PFDN5: variants seen among roughly 807,000 people sequenced by gnomAD.
The protein encoded by PFDN5 is c-myc binding protein.
PFDN5 carries 13 observed loss-of-function variants against 21.5 expected under a neutral mutation model. The ratio of observed to expected loss-of-function variants is 0.60; its 90% confidence interval spans 0.39 to 0.96. The LOEUF is 0.96. PFDN5 is among the 40% of genes least tolerant of loss of function. The probability of loss-of-function intolerance (pLI) is 0.00; values close to 1 mark genes in which losing one functional copy is unlikely to be tolerated. For synonymous variants in PFDN5, 84 were observed against 68.9 expected (o/e 1.22, Z -1.08); for missense variants, 188 against 186.2 (o/e 1.01, Z -0.06).
intron 5 of PFDN5, 151 bp from the exon 6 acceptor site, chr12:53,299,118 A>G (rs1431088126): frequency 6.3e-6 from 3 of 474,564 alleles, no homozygotes; most frequent in Non-Finnish European, 1.2e-5. Flanking sequence ...CCTCGGTGAC[A>G]AGAGCAGGAT....
rs1379093483 is a variant in PFDN5 at position 53,297,909 on chromosome 12, G to A, written c.267G>A (p.Gly89=). The A allele has an allele frequency of 6.2e-6, 10 of 1,612,628 alleles. No homozygotes were observed. The highest frequency in any genetic ancestry group is 8.5e-6 in the Non-Finnish European group (10 of 1,178,878). Residue 89 remains glycine (G), a synonymous_variant, in exon 4 of 6, where the codon GGG becomes GGA. Coordinates refer to ENST00000334478, the MANE Select transcript of PFDN5 (RefSeq NM_002624.4). ...ACGTGCTCATCGATGTGGGAACTGG[G>A]TACTATGTAGAGAAGGTGAGTGAGA... ...VEHVLIDVGT[G]YYVEKTAEDA...
chr12:53,296,051 A>G (rs774052639), intron 2 of PFDN5, 110 bp downstream of exon 2: 2 of 783,256 alleles, frequency 2.6e-6, no homozygotes, highest in Non-Finnish European at 4.4e-6. Flanking sequence ...TACATATCGT[A>G]TACCGCTTCA....
rs1944200624 is a variant in PFDN5 at position 53,299,390 on chromosome 12, C to T, written c.*45C>T. ...GCAGAGGGACACCCTTTGGGCGTGG[C>T]TTCCTGGTGATGGGAAGGGTCTTGT... On this transcript the variant is annotated 3_prime_UTR_variant, in exon 6 of 6. Transcript: ENST00000334478. 3 of 1,252,028 alleles carry T rather than the reference C, an allele frequency of 2.4e-6. No homozygotes were observed. In the South Asian group the frequency reaches 3.7e-5, roughly 15 times the overall value. The allele number at this position is 1,252,028 out of a possible 1,614,324, so 77.6% of individuals were successfully genotyped here.
chr12:53,297,809 T>C, intron 3 of PFDN5, 41 bp from the exon 4 acceptor site: 3 of 1,482,450 alleles, frequency 2.0e-6, no homozygotes, highest in Non-Finnish European at 1.9e-6. Context: ...TCATGGCTCA[T>C]GCTGGGCTGG....
rs891464779 is a variant in PFDN5 at position 53,298,188 on chromosome 12, A to G, written c.388+38A>G. The G allele has an allele frequency of 4.1e-6, 5 of 1,225,184 alleles. No homozygotes were observed. In the Admixed American group the frequency reaches 8.4e-5, roughly 21 times the overall value. The allele number at this position is 1,225,184 out of a possible 1,614,324, so 75.9% of individuals were successfully genotyped here. A position where few individuals can be genotyped will look rare whatever the true frequency, so the allele number is the denominator to read the frequency against. ...TGGGGCACCTCTTGACCCTATCTCCATAATAAGGAACATGGATTGCAGTGT... is the reference window on the plus strand; with the variant it reads ...TGGGGCACCTCTTGACCCTATCTCCGTAATAAGGAACATGGATTGCAGTGT... On this transcript the variant is annotated intron_variant, in intron 5 of 5. Transcript: ENST00000334478.
chr12:53,296,306 G>T, intron 3 of PFDN5, 31 bp downstream of exon 3: 1 of 1,577,512 alleles, frequency 6.3e-7, no homozygotes, highest in Non-Finnish European at 8.7e-7. Flanking sequence ...GCTACCTGCT[G>T]CCTTCTCCCT....
At position 53,295,556 on chromosome 12, in the gene PFDN5, G is replaced by A. The variant is rs767918925; in HGVS notation, c.-12G>A. The A allele has an allele frequency of 2.5e-6, 4 of 1,610,684 alleles. No individual in the cohort carries two copies. The highest frequency in any genetic ancestry group is 2.2e-5 in the East Asian group (1 of 44,812). On this transcript the variant is annotated 5_prime_UTR_variant, in exon 1 of 6. Coordinates refer to ENST00000334478, the MANE Select transcript of PFDN5 (RefSeq NM_002624.4). ...CGAGAGACTTCCTCTTCGTTAAGTC[G>A]GCCTTCCCAACATGGCGCAGTCTAT...
At chr12:53,297,948 C>A (rs1944175069) in intron 4 of PFDN5, 24 bp downstream of exon 4, 3 of 1,596,570 alleles carry the variant, frequency 1.9e-6, no homozygotes, top group Non-Finnish European at 2.6e-6. Flanking sequence ...TGTGGATGCC[C>A]CTCTAAACAG....
rs1726046228 is a variant in PFDN5 at position 53,299,425 on chromosome 12, C to G, written c.*80C>G. The G allele has an allele frequency of 1.1e-6, 1 of 900,854 alleles. No individual in the cohort carries two copies. Among genetic ancestry groups the G allele is most frequent in the Non-Finnish European group, 1.8e-6 (1 of 559,970 alleles). The allele number at this position is 900,854 out of a possible 1,614,324, so 55.8% of individuals were successfully genotyped here. Reference sequence around the variant, plus strand: ...ATGGGAAGGGTCTTGTGTTTTAATGCCAATAAATGTGCCAGCTGGGCAGAA... The same window carrying G: ...ATGGGAAGGGTCTTGTGTTTTAATGGCAATAAATGTGCCAGCTGGGCAGAA... On this transcript the variant is annotated 3_prime_UTR_variant, in exon 6 of 6. Transcript: ENST00000334478.
intron 1 of PFDN5, 27 bp downstream of exon 1, chr12:53,295,666 T>G: frequency 6.3e-7 from 1 of 1,585,980 alleles, no homozygotes; most frequent in Non-Finnish European, 8.7e-7. Flanking sequence ...GAGGCACCTC[T>G]TTCCTGCTCT....
intron 5 of PFDN5, 80 bp from the exon 6 acceptor site, chr12:53,299,189 C>G: frequency 2.1e-6 from 2 of 944,080 alleles, no homozygotes. Context: ...GTCGCCTGTC[C>G]TTAAACTTGC....
intron 4 of PFDN5, 56 bp downstream of exon 4, chr12:53,297,980 C>T (rs1944175633): frequency 8.3e-6 from 13 of 1,564,996 alleles, no homozygotes; most frequent in Non-Finnish European, 1.1e-5. Flanking sequence ...TCAGGGGAAG[C>T]TCTAGAGCGC....
At chr12:53,296,373 A>G (rs1592502865) in intron 3 of PFDN5, 98 bp downstream of exon 3, 1 of 865,702 alleles carries the variant, frequency 1.2e-6, no homozygotes, top group Non-Finnish European at 1.9e-6. Flanking sequence ...ACTTCAGATT[A>G]CCCTCTCCTC....
intron 3 of PFDN5, chr12:53,296,622 C>T (rs1244042403): frequency 8.2e-6 from 3 of 367,050 alleles, no homozygotes; most frequent in African/African-American, 4.3e-5. Context: ...ATTGGCCAGG[C>T]TAGTCTCGAA....
rs1391276272 is a variant in PFDN5 at position 53,299,195 on chromosome 12, C to G, written c.389-74C>G. On this transcript the variant is annotated intron_variant, in intron 5 of 5. Transcript: ENST00000334478. ...AGTTAGTCGGTCGCCTGTCCTTAAA[C>G]TTGCCTGTCACTTCTCCTTAACTCT... 1.6e-5 allele frequency: 14 copies of G among 895,188 alleles called. No homozygotes were observed. In the East Asian group the frequency reaches 3.9e-4, roughly 25 times the overall value. The allele number at this position is 895,188 out of a possible 1,614,324, so 55.5% of individuals were successfully genotyped here.
rs1249681982 is a variant in PFDN5, at chr12:53,298,993, G to A, written c.389-276G>A. 8 of 284,094 alleles carry A rather than the reference G, an allele frequency of 2.8e-5. 1 individual carries two copies. Among genetic ancestry groups the A allele is most frequent in the Admixed American group, 4.9e-5 (1 of 20,584 alleles). 17.6% of individuals were successfully genotyped at this position (284,094 alleles called of 1,614,324 possible). A position where few individuals can be genotyped will look rare whatever the true frequency, so the allele number is the denominator to read the frequency against. On this transcript the variant is annotated intron_variant, in intron 5 of 5. Coordinates refer to ENST00000334478, the MANE Select transcript of PFDN5 (RefSeq NM_002624.4). ...TCTACTAAAAATACAAAGTTAGCCC[G>A]GGCATGGTGGTGCATGCCTGTAATC... is the stretch of plus-strand genomic sequence containing the variant.
intron 5 of PFDN5, 89 bp from the exon 6 acceptor site, chr12:53,299,180 T>G: frequency 1.3e-6 from 1 of 772,556 alleles, no homozygotes. Flanking sequence ...AGTTAGTCGG[T>G]CGCCTGTCCT....
rs765095261 is a variant in PFDN5 at position 53,296,195 on chromosome 12, G to T, written c.176-49G>T. ...GTTGGAACTCTCTTTAACGTCTTAC[G>T]TTGGAGCCGCTAACCTTCCCCAGGT... On this transcript the variant is annotated intron_variant, in intron 2 of 5. Coordinates refer to ENST00000334478, the MANE Select transcript of PFDN5 (RefSeq NM_002624.4). The T allele has an allele frequency of 7.0e-6, 11 of 1,563,396 alleles. No homozygotes were observed. The African/African-American group carries it at 9.5e-5, about 13-fold the overall frequency.
At chr12:53,296,370 A>T in intron 3 of PFDN5, 95 bp downstream of exon 3, 1 of 883,924 alleles carries the variant, frequency 1.1e-6, no homozygotes. Context: ...ATTACTTCAG[A>T]TTACCCTCTC....
Sources: gnomAD v4.1 joint callset for allele counts on GRCh38, gnomAD v4.1.1 for gene constraint, MANE v1.5 for transcripts, NCBI Gene and HGNC (gene_info 2026-07-23, HGNC 2026-07-21) for gene names.